Variants in EIF4G3 observed in about 807,000 individuals in gnomAD.
The protein encoded by EIF4G3 is eIF-4-gamma 3.
EIF4G3 carries 34 observed loss-of-function variants against 186.4 expected under a neutral mutation model. The ratio of observed to expected loss-of-function variants is 0.18; its 90% CI spans 0.14 to 0.24. The LOEUF (loss-of-function observed/expected upper bound fraction) is 0.24, where lower values mean the gene tolerates loss of function less well. Among genes scored for constraint, EIF4G3 ranks in the 10% least tolerant of loss-of-function variants. The pLI is 1.00. For missense variants in EIF4G3, 1,536 were observed against 1,948.5 expected (o/e 0.79, Z 3.99); for synonymous variants, 673 against 679.5 (o/e 0.99, Z 0.15).
chr1:21,053,575 C>T (rs1301270939), intron 3 of EIF4G3, among the ~76,000 whole-genome samples: 2 of 147,610 alleles, frequency 1.4e-5, no homozygotes, highest in East Asian at 4.1e-4. Flanking sequence ...GGCCAGCCGC[C>T]CTGTCCGGGA....
At chr1:20,966,972 A>G (rs2074837684) in intron 12 of EIF4G3, among the ~76,000 whole-genome samples, 2 of 152,222 alleles carry the variant, frequency 1.3e-5, no homozygotes, top group Non-Finnish European at 2.9e-5. Flanking sequence ...CTGATGTTAC[A>G]CTTCCCAAAA....
At chr1:21,149,468 G>C (rs968850596) in intron 2 of EIF4G3, among the ~76,000 whole-genome samples, 2 of 152,272 alleles carry the variant, frequency 1.3e-5, no homozygotes, top group East Asian at 3.9e-4. Context: ...ATGAAGTACT[G>C]TGTTACTGCC....
At chr1:21,015,335 G>C (rs1483233587) in intron 4 of EIF4G3, among the ~76,000 whole-genome samples, 1 of 151,306 alleles carries the variant, frequency 6.6e-6, no homozygotes, top group African/African-American at 2.4e-5. Context: ...GAGAGGAAAA[G>C]GAACAGAAAG....
At chr1:21,059,490 T>G (rs2094769326) in intron 3 of EIF4G3, among the ~76,000 whole-genome samples, 1 of 152,100 alleles carries the variant, frequency 6.6e-6, no homozygotes, top group Non-Finnish European at 1.5e-5. Context: ...GAAGTTTTAC[T>G]TATACATGAC....
At chr1:20,967,845 T>C (rs1238472851) in intron 12 of EIF4G3, among the ~76,000 whole-genome samples, 1 of 152,244 alleles carries the variant, frequency 6.6e-6, no homozygotes, top group East Asian at 1.9e-4. Flanking sequence ...CACTTGTCTG[T>C]AAACTGGGCT....
intron 2 of EIF4G3, among the ~76,000 whole-genome samples, chr1:21,113,215 C>T (rs1380418971): frequency 6.8e-6 from 1 of 146,402 alleles, no homozygotes; most frequent in Non-Finnish European, 1.5e-5. Flanking sequence ...AAGAGTAGCA[C>T]TGTACATTTT....
At chr1:21,069,778 G>T (rs745708244) in intron 3 of EIF4G3, among the ~76,000 whole-genome samples, 1 of 152,144 alleles carries the variant, frequency 6.6e-6, no homozygotes, top group Non-Finnish European at 1.5e-5. Flanking sequence ...GGGAGAGGAG[G>T]GGGTAGGAAA....
chr1:20,979,844 G>A (rs139382673), intron 10 of EIF4G3, among the ~76,000 whole-genome samples: 4,108 of 150,862 alleles, frequency 0.027, 136 homozygotes, highest in East Asian at 0.14. Flanking sequence ...TCTGCCTCCC[G>A]GGTTCAAGCC....
chr1:20,925,245 G>T (rs994201851), intron 14 of EIF4G3, among the ~76,000 whole-genome samples: 4 of 152,146 alleles, frequency 2.6e-5, no homozygotes, highest in Admixed American at 2.6e-4. Flanking sequence ...TGTTTTAGGG[G>T]TTATTCATGA....
chr1:21,073,611 C>G (rs966892480), intron 3 of EIF4G3: 2 of 512,562 alleles, frequency 3.9e-6, no homozygotes, highest in Non-Finnish European at 7.7e-6. Flanking sequence ...ATGGACCCCT[C>G]TAAGTCTCCC....
At chr1:21,003,200 G>A (rs1253012032) in intron 4 of EIF4G3, among the ~76,000 whole-genome samples, 11 of 148,652 alleles carry the variant, frequency 7.4e-5, no homozygotes, top group Admixed American at 6.0e-4. Context: ...CAGAGACAGG[G>A]TCTCACTTTG....
At chr1:20,956,643 A>C (rs1573493697) in intron 12 of EIF4G3, among the ~76,000 whole-genome samples, 1 of 149,566 alleles carries the variant, frequency 6.7e-6, no homozygotes, top group African/African-American at 2.4e-5. Flanking sequence ...AAAAACAAGG[A>C]GAGCACATCA....
intron 18 of EIF4G3, among the ~76,000 whole-genome samples, chr1:20,892,934 T>C (rs1007434224): frequency 7.9e-5 from 12 of 151,474 alleles, no homozygotes; most frequent in Admixed American, 7.2e-4. Flanking sequence ...GGACTTCCTG[T>C]TCTTGTTTTG....
At chr1:20,815,302 G>A (rs1164006213) in intron 34 of EIF4G3, among the ~76,000 whole-genome samples, 1 of 107,574 alleles carries the variant, frequency 9.3e-6, no homozygotes, top group Admixed American at 9.6e-5. Context: ...AGTGAGGAGC[G>A]TCTCTGCCCA....
intron 4 of EIF4G3, among the ~76,000 whole-genome samples, chr1:21,010,419 C>CAAAAA (rs11318361): frequency 2.0e-5 from 2 of 101,132 alleles, no homozygotes; most frequent in Admixed American, 9.9e-5. Context: ...GACTCTGTCT[C>CAAAAA]AAAAAAAAAA....
At chr1:21,003,171 CTTTTTTT>C (rs376496321) in intron 4 of EIF4G3, among the ~76,000 whole-genome samples, 10 of 106,020 alleles carry the variant, frequency 9.4e-5, no homozygotes, top group African/African-American at 3.3e-4. Context: ...TAATTTTTTT[CTTTTTTT>C]TTTTTTTTTT....
chr1:20,817,277 TA>T (rs376814165), intron 34 of EIF4G3, 114 bp downstream of exon 34: 116,719 of 253,884 alleles, frequency 0.46, 28,121 homozygotes, highest in East Asian at 0.74. Flanking sequence ...AATAAATAAA[TA>T]AAAAAAAATA....
At chr1:21,011,933 G>T (rs1557499313) in intron 4 of EIF4G3, among the ~76,000 whole-genome samples, 1 of 152,126 alleles carries the variant, frequency 6.6e-6, no homozygotes, top group Non-Finnish European at 1.5e-5. Flanking sequence ...CATTTTACTT[G>T]AAAGAAGGAT....
intron 24 of EIF4G3, 133 bp downstream of exon 24, chr1:20,860,252 G>C: frequency 8.1e-7 from 1 of 1,230,122 alleles, no homozygotes; most frequent in South Asian, 1.5e-5. Flanking sequence ...AGGTGAAACT[G>C]CTTCACCTAA....
Sources: allele counts gnomAD v4.1 joint callset (sites outside exome capture counted in the v4.1 genomes callset), GRCh38; gene constraint gnomAD v4.1.1; transcripts MANE v1.5; gene names NCBI Gene and HGNC (gene_info 2026-07-23, HGNC 2026-07-21).